ARHGEF10: variants seen among roughly 807,000 people sequenced by gnomAD.
The protein encoded by ARHGEF10 is Rho guanine nucleotide exchange factor (GEF) 10.
In ARHGEF10, 140 loss-of-function variants were observed where a neutral mutation model predicts 147.4. That is an observed-to-expected ratio of 0.95 (90% CI 0.83 to 1.09). The LOEUF (loss-of-function observed/expected upper bound fraction) is 1.09, where lower values mean the gene tolerates loss of function less well. ARHGEF10 is among the 50% of genes least tolerant of loss of function. ARHGEF10 has a pLI of 0.00. For missense variants in ARHGEF10, 2,222 were observed against 1,752.7 expected, an observed-to-expected ratio of 1.27 and a Z score of -4.78; for synonymous variants, 902 against 695.8, an observed-to-expected ratio of 1.30 and a Z score of -4.67.
intron 9 of ARHGEF10, among the ~76,000 whole-genome samples, chr8:1,882,224 A>G (rs1167635533): frequency 6.6e-6 from 1 of 152,210 alleles, no homozygotes; most frequent in Non-Finnish European, 1.5e-5. Flanking sequence ...CCATGCCCCC[A>G]CATGGGGTGC....
chr8:1,830,676 G>A (rs984114117), intron 1 of ARHGEF10, among the ~76,000 whole-genome samples: 3 of 152,228 alleles, frequency 2.0e-5, no homozygotes, highest in Non-Finnish European at 2.9e-5. Context: ...GCCCTGGGGG[G>A]CTGGCACCCT....
intron 13 of ARHGEF10, among the ~76,000 whole-genome samples, chr8:1,894,930 G>A (rs879427058): frequency 6.6e-5 from 10 of 152,194 alleles, no homozygotes; most frequent in African/African-American, 1.4e-4. Flanking sequence ...TAAAATTGCC[G>A]TTTTTAAGCC....
chr8:1,856,161 T>A (rs961842887), intron 2 of ARHGEF10, among the ~76,000 whole-genome samples: 2 of 152,194 alleles, frequency 1.3e-5, no homozygotes, highest in Non-Finnish European at 2.9e-5. Flanking sequence ...CAGAGCAGAG[T>A]TCACCATCCA....
chr8:1,925,594 A>G (rs990574688), intron 22 of ARHGEF10, among the ~76,000 whole-genome samples, 190 bp downstream of exon 22: 1 of 152,208 alleles, frequency 6.6e-6, no homozygotes, highest in Non-Finnish European at 1.5e-5. Context: ...AAAAACGCCC[A>G]GCCATTGTCT....
chr8:1,916,422 A>G (rs1811764622), intron 18 of ARHGEF10, among the ~76,000 whole-genome samples: 1 of 152,256 alleles, frequency 6.6e-6, no homozygotes. Context: ...CATGACATGT[A>G]TCTTCGTGAC....
At chr8:1,920,724 A>G (rs1256569923) in intron 18 of ARHGEF10, among the ~76,000 whole-genome samples, 2 of 152,268 alleles carry the variant, frequency 1.3e-5, no homozygotes, top group Admixed American at 6.5e-5. Flanking sequence ...AATTATAAGC[A>G]TTCTGTAAGG....
chr8:1,914,193 C>T (rs1247122122), intron 18 of ARHGEF10, among the ~76,000 whole-genome samples: 1 of 152,238 alleles, frequency 6.6e-6, no homozygotes, highest in Non-Finnish European at 1.5e-5. Context: ...ACTGATCCTC[C>T]TGAAGTAGAA....
chr8:1,946,438 C>T (rs946158124), intron 27 of ARHGEF10, among the ~76,000 whole-genome samples: 5 of 152,170 alleles, frequency 3.3e-5, no homozygotes, highest in East Asian at 1.9e-4. Flanking sequence ...CCGGGGAGCA[C>T]GGTGCCTGCA....
chr8:1,900,055 G>T (rs1221455904), intron 15 of ARHGEF10, among the ~76,000 whole-genome samples: 1 of 152,178 alleles, frequency 6.6e-6, no homozygotes, highest in African/African-American at 2.4e-5. Context: ...CACACACGTT[G>T]TTGGCTTTCT....
intron 7 of ARHGEF10, among the ~76,000 whole-genome samples, chr8:1,874,268 T>C (rs988263237): frequency 1.2e-4 from 18 of 152,276 alleles, no homozygotes; most frequent in Middle Eastern, 3.4e-3. Flanking sequence ...TTTTCACACA[T>C]CTGAATAGCC....
chr8:1,829,443 C>A (rs749738154), intron 1 of ARHGEF10, among the ~76,000 whole-genome samples: 2 of 152,210 alleles, frequency 1.3e-5, no homozygotes, highest in Non-Finnish European at 2.9e-5. Flanking sequence ...AGCCCCTGAC[C>A]CTGGCCAGCC....
At position 1,858,007 on chromosome 8, in the gene ARHGEF10, G is replaced by C. The variant is rs1478506335; in HGVS notation, c.85G>C (p.Glu29Gln). ...DTNNNEEEEG[E>Q]QFDFDSGDEI... The stretch of plus-strand genomic sequence containing the variant: ...CAATAATAATGAAGAGGAAGAGGGA[G>C]AACAGTTCGATTTTGACAGTGGAGA... The change falls in exon 3 of 29, where the codon GAA becomes CAA. Residue 29 changes from glutamate to glutamine, a missense_variant. Coordinates refer to ENST00000349830, the MANE Select transcript of ARHGEF10 (RefSeq NM_014629.4). The C allele has an allele frequency of 6.2e-7, 1 of 1,614,114 alleles. No homozygotes were observed. The highest frequency in any genetic ancestry group is 1.1e-5 in the South Asian group (1 of 91,074).
At chr8:1,888,877 A>AGGAGACAGTGGGGTGAGG (rs1809084134) in intron 11 of ARHGEF10, among the ~76,000 whole-genome samples, 1 of 56,618 alleles carries the variant, frequency 1.8e-5, no homozygotes, top group Admixed American at 1.6e-4. Context: ...GTGGGGTGAG[A>AGGAGACAGTGGGGTGAGG]GTTATGAGGA....
chr8:1,848,169 G>T (rs1804701138), intron 2 of ARHGEF10, among the ~76,000 whole-genome samples: 1 of 152,228 alleles, frequency 6.6e-6, no homozygotes, highest in East Asian at 1.9e-4. Context: ...TTTGCATCGT[G>T]CATATTGTAT....
intron 25 of ARHGEF10, 125 bp downstream of exon 25, chr8:1,929,568 G>C: frequency 1.7e-6 from 2 of 1,194,170 alleles, no homozygotes; most frequent in Non-Finnish European, 2.3e-6. Flanking sequence ...CCGCCCCTGC[G>C]CTCGTCACCC....
chr8:1,921,386 T>C (rs1487644755), intron 18 of ARHGEF10, among the ~76,000 whole-genome samples: 2 of 152,238 alleles, frequency 1.3e-5, no homozygotes, highest in African/African-American at 4.8e-5. Flanking sequence ...TTGTGGGACG[T>C]AGCATAGAAG....
chr8:1,908,305 G>T (rs891355144), intron 17 of ARHGEF10, among the ~76,000 whole-genome samples: 5 of 142,072 alleles, frequency 3.5e-5, no homozygotes, highest in African/African-American at 8.1e-5. Flanking sequence ...ATCTCAGCTC[G>T]CTGCAAGCTC....
At position 1,869,260 on chromosome 8, in the gene ARHGEF10, T is replaced by C; in HGVS notation, c.679+10T>C. 1 of 1,612,770 alleles carries C rather than the reference T, an allele frequency of 6.2e-7. No individual in the cohort carries two copies. Among genetic ancestry groups the C allele is most frequent in the Non-Finnish European group, 8.5e-7 (1 of 1,178,712 alleles). ...TCAGACTCTGAACCAGGTTTGATTT[T>C]GTCTGGAATTGATTTGAGGAGATTC... On this transcript the variant is annotated intron_variant, in intron 7 of 28. Coordinates refer to ENST00000349830, the MANE Select transcript of ARHGEF10 (RefSeq NM_014629.4).
At chr8:1,912,866 G>T (rs1041159591) in intron 18 of ARHGEF10, among the ~76,000 whole-genome samples, 4 of 152,242 alleles carry the variant, frequency 2.6e-5, no homozygotes, top group Non-Finnish European at 4.4e-5. Flanking sequence ...GATTGGGACT[G>T]GTGGCGGGGA....
Sources: gnomAD v4.1 joint callset for allele counts (sites outside exome capture counted in the v4.1 genomes callset) on GRCh38, gnomAD v4.1.1 for gene constraint, MANE v1.5 for transcripts, NCBI Gene and HGNC (gene_info 2026-07-23, HGNC 2026-07-21) for gene names.